SUSD4: variants seen among roughly 807,000 people sequenced by gnomAD.
SUSD4 encodes the protein sushi domain-containing protein 4.
SUSD4 carries 41 observed loss-of-function variants against 50.5 expected under a neutral mutation model. The observed-to-expected ratio is 0.81, with a 90% CI of 0.63 to 1.05. The LOEUF is 1.05. Ranked by LOEUF, SUSD4 falls within the 50% of genes least tolerant of loss-of-function variation. The pLI is 0.00. For synonymous variants in SUSD4, 257 were observed against 257.3 expected, an observed-to-expected ratio of 1.00 and a Z score of 0.01; for missense variants, 580 against 634.7, an observed-to-expected ratio of 0.91 and a Z score of 0.93.
At chr1:223,237,287 C>T (rs903749318) in intron 5 of SUSD4, among the ~76,000 whole-genome samples, 3 of 151,790 alleles carry the variant, frequency 2.0e-5, no homozygotes, top group Admixed American at 2.0e-4. Flanking sequence ...TGATCATGTC[C>T]CCTGTGAAAA....
At chr1:223,264,916 C>T (rs374459999) in intron 4 of SUSD4, 98 bp from the exon 5 acceptor site, 31 of 1,280,092 alleles carry the variant, frequency 2.4e-5, no homozygotes, top group Non-Finnish European at 3.2e-5. Context: ...ATTCCCCCAC[C>T]TCTGAAGGTG....
intron 3 of SUSD4, among the ~76,000 whole-genome samples, chr1:223,279,320 T>C (rs1442857067): frequency 6.6e-6 from 1 of 152,066 alleles, no homozygotes; most frequent in Non-Finnish European, 1.5e-5. Context: ...GCTAAAAACC[T>C]TGAAAAAAGA....
At chr1:223,225,024 CA>C (rs1393123482) in intron 7 of SUSD4, among the ~76,000 whole-genome samples, 3 of 151,912 alleles carry the variant, frequency 2.0e-5, no homozygotes, top group East Asian at 3.9e-4. Flanking sequence ...CATGCACCAC[CA>C]CCCCCAGCTA....
At chr1:223,230,604 G>C (rs1409750491) in intron 5 of SUSD4, 1 of 152,244 alleles carries the variant, frequency 6.6e-6, no homozygotes, top group African/African-American at 2.4e-5. Context: ...CCCTGCCGGA[G>C]GTGTCCCGAT....
chr1:223,246,406 T>G (rs1194945821), intron 5 of SUSD4, among the ~76,000 whole-genome samples: 1 of 152,080 alleles, frequency 6.6e-6, no homozygotes, highest in Non-Finnish European at 1.5e-5. Flanking sequence ...CTCAGGTGAC[T>G]CTTTAGAGAA....
intron 2 of SUSD4, among the ~76,000 whole-genome samples, chr1:223,314,542 A>C (rs1380752337): frequency 6.6e-6 from 1 of 152,172 alleles, no homozygotes; most frequent in East Asian, 1.9e-4. Context: ...CTGTGTCCCC[A>C]TCCAAATCTC....
intron 5 of SUSD4, among the ~76,000 whole-genome samples, chr1:223,243,122 AG>A (rs1197038694): frequency 6.6e-6 from 1 of 152,034 alleles, no homozygotes; most frequent in African/African-American, 2.4e-5. Context: ...CTGTGGCTCC[AG>A]GCTCCAGGCT....
At chr1:223,232,614 C>T (rs1571843511) in intron 5 of SUSD4, among the ~76,000 whole-genome samples, 1 of 152,192 alleles carries the variant, frequency 6.6e-6, no homozygotes, top group Non-Finnish European at 1.5e-5. Flanking sequence ...GAAAGATGAA[C>T]GACTGTTCAA....
chr1:223,238,871 A>G (rs1301881897), intron 5 of SUSD4, among the ~76,000 whole-genome samples: 2 of 151,996 alleles, frequency 1.3e-5, no homozygotes, highest in African/African-American at 4.8e-5. Context: ...TGGTGTTGAA[A>G]TCAGTTATGT....
At chr1:223,282,293 C>G (rs1663798000) in intron 3 of SUSD4, among the ~76,000 whole-genome samples, 2 of 152,162 alleles carry the variant, frequency 1.3e-5, no homozygotes, top group Non-Finnish European at 2.9e-5. Context: ...AAGAGGAAGT[C>G]AAATTGTCCC....
At chr1:223,283,633 G>C (rs1168782014) in intron 3 of SUSD4, among the ~76,000 whole-genome samples, 1 of 152,182 alleles carries the variant, frequency 6.6e-6, no homozygotes, top group Non-Finnish European at 1.5e-5. Context: ...ACTGTTGGTG[G>C]GACCGTAAAC....
chr1:223,228,868 T>C (rs1313037836), intron 6 of SUSD4, among the ~76,000 whole-genome samples: 5 of 151,896 alleles, frequency 3.3e-5, no homozygotes, highest in African/African-American at 1.2e-4. Flanking sequence ...GCTAGGGGTC[T>C]AGGGACCCTG....
chr1:223,303,614 C>G (rs531774632), intron 2 of SUSD4, among the ~76,000 whole-genome samples: 64 of 152,174 alleles, frequency 4.2e-4, no homozygotes, highest in African/African-American at 1.5e-3. Flanking sequence ...ATCGGCAGGT[C>G]GAGAAATAAT....
intron 3 of SUSD4, among the ~76,000 whole-genome samples, chr1:223,272,224 T>C (rs1662968109): frequency 6.6e-6 from 1 of 152,222 alleles, no homozygotes; most frequent in African/African-American, 2.4e-5. Context: ...AATCTGCTTC[T>C]GTCCTATTGA....
At chr1:223,354,604 C>A (rs1393922531) in intron 2 of SUSD4, among the ~76,000 whole-genome samples, 1 of 152,170 alleles carries the variant, frequency 6.6e-6, no homozygotes, top group Non-Finnish European at 1.5e-5. Context: ...CATGCTATAA[C>A]CGAAACATAC....
chr1:223,365,057 C>A (rs112772020), upstream of SUSD4, among the ~76,000 whole-genome samples: 8,412 of 151,976 alleles, frequency 0.055, 304 homozygotes, highest in East Asian at 0.12. Context: ...GGCGGGGAGG[C>A]GGGGGTAGCG....
At chr1:223,241,791 T>C (rs1660601652) in intron 5 of SUSD4, among the ~76,000 whole-genome samples, 1 of 152,210 alleles carries the variant, frequency 6.6e-6, no homozygotes, top group South Asian at 2.1e-4. Context: ...CTGGCTGCTC[T>C]GTGTCTGAGC....
At chr1:223,269,997 C>T (rs367552679) in intron 3 of SUSD4, among the ~76,000 whole-genome samples, 1 of 152,038 alleles carries the variant, frequency 6.6e-6, no homozygotes, top group East Asian at 1.9e-4. Context: ...TTTGGTGGCT[C>T]GGAAAAGGGC....
chr1:223,272,245 C>T (rs779924461), intron 3 of SUSD4, among the ~76,000 whole-genome samples: 9 of 152,154 alleles, frequency 5.9e-5, no homozygotes, highest in Admixed American at 2.0e-4. Context: ...ATCTGGTCAA[C>T]AATTAGAACT....
Sources: allele counts gnomAD v4.1 joint callset (sites outside exome capture counted in the v4.1 genomes callset), GRCh38; gene constraint gnomAD v4.1.1; transcripts MANE v1.5; gene names NCBI Gene and HGNC (gene_info 2026-07-23, HGNC 2026-07-21).